SNX29: variants seen among roughly 807,000 people sequenced by gnomAD.
SNX29 encodes the protein sorting nexin-29.
SNX29 carries 78 observed loss-of-function variants against 102.1 expected under a neutral mutation model. The observed-to-expected ratio is 0.76, with a 90% CI of 0.64 to 0.92. SNX29 has a LOEUF of 0.92. Among genes scored for constraint, SNX29 ranks in the 40% least tolerant of loss-of-function variants. SNX29 has a pLI of 0.00. For synonymous variants in SNX29, 580 were observed against 414.5 expected (o/e 1.40, Z -4.85); for missense variants, 1,280 against 1,061.7 (o/e 1.21, Z -2.86).
intron 13 of SNX29, among the ~76,000 whole-genome samples, chr16:12,141,616 G>C (rs7206034): frequency 0.03 from 4,586 of 152,324 alleles, 240 homozygotes; most frequent in African/African-American, 0.11. Flanking sequence ...TTTCCTGGAA[G>C]TGACGGTTCC....
Position 12,360,053 on chromosome 16 carries a change from A to T in SNX29, c.1899+3774A>T, listed in dbSNP as rs113061528. On this transcript the variant is annotated intron_variant, in intron 16 of 20. Transcript: ENST00000566228. The stretch of plus-strand genomic sequence containing the variant: ...TGGCCAGGCTGGTCTCGAACTCCTG[A>T]TCTCGAGTGATCTGCCCGCCTCGGC... Among the ~76,000 whole-genome samples the T allele has an allele frequency of 4.9e-3, 751 of 152,292 alleles. 3 individuals carry two copies. Among genetic ancestry groups the T allele is most frequent in the Non-Finnish European group, 8.9e-3 (608 of 68,032 alleles).
Position 12,199,406 on chromosome 16 carries a change from G to C in SNX29, c.1596-195G>C, listed in dbSNP as rs532441957. Among the ~76,000 whole-genome samples, 3 of 152,262 alleles carry C rather than the reference G, an allele frequency of 2.0e-5. No homozygotes were observed. The East Asian group carries it at 5.8e-4, about 29-fold the overall frequency. On this transcript the variant is annotated intron_variant, in intron 13 of 20. Coordinates refer to ENST00000566228, the MANE Select transcript of SNX29 (RefSeq NM_032167.5). ...GTCTCATGAAAGAATAGTTCTTAAA[G>C]GCACTCTGCAGACATGCCCAAGGTA...
chr16:12,526,912 C>T, intron 20 of SNX29: 1 of 391,498 alleles, frequency 2.6e-6, no homozygotes, highest in Non-Finnish European at 4.8e-6. Flanking sequence ...TGCTGGTTGC[C>T]ATCAGTCAGC....
intron 13 of SNX29, among the ~76,000 whole-genome samples, chr16:12,151,097 T>C (rs1196412059): frequency 6.6e-6 from 1 of 152,236 alleles, no homozygotes; most frequent in South Asian, 2.1e-4. Context: ...CAAAAATAGA[T>C]GGAATAGTGT....
intron 14 of SNX29, among the ~76,000 whole-genome samples, chr16:12,215,851 T>TGCTGCCCTCATTTGCATCTG (rs1270679724): frequency 1.3e-5 from 2 of 152,240 alleles, no homozygotes; most frequent in African/African-American, 4.8e-5. Flanking sequence ...CTTTAATTAC[T>TGCTGCCCTCATTTGCATCTG]GCTGCCCTCA....
At chr16:12,475,692 CT>C (rs1440033242) in intron 18 of SNX29, among the ~76,000 whole-genome samples, 3 of 152,192 alleles carry the variant, frequency 2.0e-5, no homozygotes, top group African/African-American at 7.2e-5. Flanking sequence ...TGTTGAACAG[CT>C]CATGTAAAGT....
rs1260395022 is a variant in SNX29 at position 12,052,084 on chromosome 16, T to A, written c.986T>A (p.Leu329Gln). 6.2e-7 allele frequency: 1 copy of A among 1,613,870 alleles called. No individual in the cohort carries two copies. The stretch of plus-strand genomic sequence containing the variant: ...AGCAACTCATGGAAAATTGATTCCC[T>A]GTCTTTGAACGGGGAGTTTGGGTAC... Reference protein sequence around the residue: ...QSSNSWKIDSLSLNGEFGYQK... With the variant: ...QSSNSWKIDSQSLNGEFGYQK... The change falls in exon 8 of 21, where the codon CTG becomes CAG. Residue 329 changes from leucine to glutamine, a missense_variant. Transcript: ENST00000566228.
At chr16:12,440,139 G>C (rs938747772) in intron 18 of SNX29, among the ~76,000 whole-genome samples, 6 of 152,204 alleles carry the variant, frequency 3.9e-5, no homozygotes, top group East Asian at 3.8e-4. Flanking sequence ...ACACGGCCCA[G>C]AGCAGGAGTC....
At chr16:12,261,019 C>T (rs150393073) in intron 14 of SNX29, among the ~76,000 whole-genome samples, 58 of 142,922 alleles carry the variant, frequency 4.1e-4, no homozygotes, top group Admixed American at 3.4e-3. Context: ...GGTCTGTGCA[C>T]GTGTCCCCGG....
At chr16:12,483,114 G>GTTTTTGTTTTTTTTTTTTTTTTTTTT (rs71139598) in intron 19 of SNX29, among the ~76,000 whole-genome samples, 1 of 66,196 alleles carries the variant, frequency 1.5e-5, no homozygotes, top group Non-Finnish European at 2.8e-5. Context: ...AAGTTATTAA[G>GTTTTTGTTTTTTTTTTTTTTTTTTTT]TTTTTTTTTT....
chr16:12,534,907 T>C (rs1386940222), intron 20 of SNX29, among the ~76,000 whole-genome samples: 3 of 152,136 alleles, frequency 2.0e-5, no homozygotes, highest in Non-Finnish European at 4.4e-5. Flanking sequence ...AGGCAAGGGA[T>C]GTACTGAGCA....
chr16:12,335,822 G>C (rs2081430401), intron 15 of SNX29, among the ~76,000 whole-genome samples: 1 of 152,176 alleles, frequency 6.6e-6, no homozygotes, highest in Admixed American at 6.5e-5. Context: ...GGGTACCATA[G>C]TTATCCTTCC....
intron 20 of SNX29, among the ~76,000 whole-genome samples, chr16:12,528,239 G>C (rs1157718109): frequency 6.6e-6 from 1 of 151,882 alleles, no homozygotes; most frequent in Non-Finnish European, 1.5e-5. Context: ...TCACTCTGTT[G>C]CACAGGCTGG....
chr16:12,289,377 C>G (rs1053642762), intron 15 of SNX29, among the ~76,000 whole-genome samples: 1 of 152,216 alleles, frequency 6.6e-6, no homozygotes, highest in Non-Finnish European at 1.5e-5. Flanking sequence ...GTGCAGGTCA[C>G]AATTGTGCCT....
intron 14 of SNX29, among the ~76,000 whole-genome samples, chr16:12,222,325 G>C (rs1286889106): frequency 6.6e-6 from 1 of 152,206 alleles, no homozygotes; most frequent in Non-Finnish European, 1.5e-5. Context: ...TCTCAAACAA[G>C]CGGGCTTGAA....
At chr16:12,160,471 T>C (rs183807366) in intron 13 of SNX29, among the ~76,000 whole-genome samples, 1 of 152,204 alleles carries the variant, frequency 6.6e-6, no homozygotes, top group South Asian at 2.1e-4. Context: ...CTTGGTGTTA[T>C]TATATCATTC....
intron 17 of SNX29, among the ~76,000 whole-genome samples, chr16:12,401,008 T>G (rs2083918580): frequency 1.3e-5 from 2 of 152,140 alleles, no homozygotes; most frequent in South Asian, 4.2e-4. Flanking sequence ...TTGTTTGTAT[T>G]TTTTAGTAGA....
chr16:12,180,708 A>T (rs990031451), intron 13 of SNX29, among the ~76,000 whole-genome samples: 1 of 152,148 alleles, frequency 6.6e-6, no homozygotes, highest in South Asian at 2.1e-4. Flanking sequence ...GATGGTCTCG[A>T]TCTCTTGACC....
At chr16:11,995,556 C>A (rs530767258) in intron 1 of SNX29, among the ~76,000 whole-genome samples, 6 of 151,552 alleles carry the variant, frequency 4.0e-5, no homozygotes, top group African/African-American at 1.2e-4. Context: ...TTCTTCCCCC[C>A]CCACCCCATC....
Sources: gnomAD v4.1 joint callset for allele counts (sites outside exome capture counted in the v4.1 genomes callset) on GRCh38, gnomAD v4.1.1 for gene constraint, MANE v1.5 for transcripts, NCBI Gene and HGNC (gene_info 2026-07-23, HGNC 2026-07-21) for gene names.